Variants in DOK6 observed in about 807,000 individuals in gnomAD.
DOK6 encodes docking protein 6.
DOK6 carries 22 observed loss-of-function variants against 44.0 expected under a neutral mutation model. The ratio of observed to expected loss-of-function variants is 0.50; its 90% CI spans 0.36 to 0.71. The LOEUF (loss-of-function observed/expected upper bound fraction) is 0.71. Among genes scored for constraint, DOK6 ranks in the 30% least tolerant of loss-of-function variants. The probability of loss-of-function intolerance (pLI) is 0.00; values close to 1 mark genes in which losing one functional copy is unlikely to be tolerated. For missense variants in DOK6, 340 were observed against 416.4 expected, an observed-to-expected ratio of 0.82 and a Z score of 1.60; for synonymous variants, 166 against 145.5, an observed-to-expected ratio of 1.14 and a Z score of -1.01.
At chr18:69,690,384 G>T (rs1318887509) in intron 4 of DOK6, among the ~76,000 whole-genome samples, 3 of 152,124 alleles carry the variant, frequency 2.0e-5, no homozygotes, top group Non-Finnish European at 2.9e-5. Flanking sequence ...TACAAATTTT[G>T]ACAAGCATAA....
intron 5 of DOK6, among the ~76,000 whole-genome samples, chr18:69,719,762 GTTATC>G (rs1986964973): frequency 6.6e-6 from 1 of 152,186 alleles, no homozygotes; most frequent in African/African-American, 2.4e-5. Context: ...AGCAAGGACA[GTTATC>G]TTATGAGGTT....
chr18:69,700,823 G>C (rs180677034), intron 5 of DOK6, among the ~76,000 whole-genome samples: 48 of 152,270 alleles, frequency 3.2e-4, no homozygotes, highest in Non-Finnish European at 6.0e-4. Flanking sequence ...CTGGTGATGA[G>C]ACTGGGGACA....
chr18:69,604,311 C>T (rs117315998), intron 3 of DOK6, among the ~76,000 whole-genome samples: 104 of 152,262 alleles, frequency 6.8e-4, no homozygotes, highest in African/African-American at 2.0e-3. Flanking sequence ...GAATTTCACA[C>T]GCACAAGTCT....
intron 7 of DOK6, among the ~76,000 whole-genome samples, chr18:69,821,885 A>G (rs948161994): frequency 6.6e-6 from 1 of 151,814 alleles, no homozygotes; most frequent in Non-Finnish European, 1.5e-5. Flanking sequence ...TTTAAACAAC[A>G]CTTCTCAGGT....
chr18:69,560,875 G>A (rs1229344136), intron 1 of DOK6, among the ~76,000 whole-genome samples: 1 of 152,142 alleles, frequency 6.6e-6, no homozygotes, highest in Admixed American at 6.5e-5. Flanking sequence ...GGAATTCCAA[G>A]TCCAATATTT....
intron 3 of DOK6, among the ~76,000 whole-genome samples, chr18:69,637,823 A>C (rs1023042016): frequency 1.3e-5 from 2 of 152,234 alleles, no homozygotes; most frequent in South Asian, 2.1e-4. Context: ...TGGCACTTTA[A>C]TAATACTTTG....
At chr18:69,613,957 T>A (rs1417263414) in intron 3 of DOK6, among the ~76,000 whole-genome samples, 1 of 145,344 alleles carries the variant, frequency 6.9e-6, no homozygotes, top group Non-Finnish European at 1.5e-5. Flanking sequence ...TAATCTTTTA[T>A]TTTTTATTTT....
At chr18:69,810,831 C>T (rs552085669) in intron 7 of DOK6, among the ~76,000 whole-genome samples, 4 of 151,820 alleles carry the variant, frequency 2.6e-5, no homozygotes, top group Non-Finnish European at 2.9e-5. Context: ...GAAAAGGAAC[C>T]CCTTGCACAA....
chr18:69,574,982 G>A (rs1339257124), intron 2 of DOK6, among the ~76,000 whole-genome samples: 1 of 152,106 alleles, frequency 6.6e-6, no homozygotes, highest in Non-Finnish European at 1.5e-5. Flanking sequence ...TCCAGGCACA[G>A]TCAAGTAGAA....
At chr18:69,576,358 A>C (rs1983238925) in intron 2 of DOK6, among the ~76,000 whole-genome samples, 1 of 151,588 alleles carries the variant, frequency 6.6e-6, no homozygotes, top group Non-Finnish European at 1.5e-5. Flanking sequence ...CTAAAATCAA[A>C]GTAACTGGTT....
intron 2 of DOK6, among the ~76,000 whole-genome samples, chr18:69,566,053 T>A (rs1982969586): frequency 6.6e-6 from 1 of 152,188 alleles, no homozygotes; most frequent in African/African-American, 2.4e-5. Context: ...CTGGTCAGAG[T>A]TCCTGCCTGC....
intron 2 of DOK6, among the ~76,000 whole-genome samples, chr18:69,577,881 C>T (rs1051796123): frequency 9.2e-5 from 14 of 152,010 alleles, no homozygotes; most frequent in South Asian, 2.1e-4. Context: ...ATATCTATCG[C>T]CAATAAGAAT....
chr18:69,699,958 A>T (rs1986475918), intron 5 of DOK6, among the ~76,000 whole-genome samples: 1 of 152,088 alleles, frequency 6.6e-6, no homozygotes, highest in South Asian at 2.1e-4. Context: ...TGGCAGAAGG[A>T]GAAAGACACA....
At chr18:69,414,525 A>G (rs898054462) in intron 1 of DOK6, among the ~76,000 whole-genome samples, 4 of 152,104 alleles carry the variant, frequency 2.6e-5, no homozygotes, top group Admixed American at 1.3e-4. Flanking sequence ...ATAATAAATT[A>G]TAAAAATGAA....
At chr18:69,515,021 C>G (rs561671901) in intron 1 of DOK6, among the ~76,000 whole-genome samples, 1 of 152,216 alleles carries the variant, frequency 6.6e-6, no homozygotes, top group Non-Finnish European at 1.5e-5. Flanking sequence ...GTTATATCAG[C>G]TATTCATGTG....
intron 2 of DOK6, among the ~76,000 whole-genome samples, chr18:69,587,770 AACACACACAC>A (rs138552349): frequency 6.7e-6 from 1 of 149,054 alleles, no homozygotes; most frequent in African/African-American, 2.5e-5. Context: ...TGTAAATTTA[AACACACACAC>A]ACACACACAC....
intron 1 of DOK6, 86 bp from the exon 2 acceptor site, chr18:69,564,401 T>G: frequency 8.7e-7 from 1 of 1,152,082 alleles, no homozygotes; most frequent in Non-Finnish European, 1.3e-6. Context: ...TGAAGTACAC[T>G]TAAAAAATTG....
intron 1 of DOK6, among the ~76,000 whole-genome samples, chr18:69,558,424 A>C (rs538400807): frequency 8.4e-4 from 128 of 152,238 alleles, no homozygotes; most frequent in Middle Eastern, 3.4e-3. Flanking sequence ...AAATACTTTG[A>C]AAAACCATGT....
intron 1 of DOK6, among the ~76,000 whole-genome samples, chr18:69,551,442 A>T (rs192472606): frequency 6.6e-6 from 1 of 152,340 alleles, no homozygotes; most frequent in Admixed American, 6.5e-5. Context: ...CTTTTATTCA[A>T]TAAATATCTT....
Sources: allele counts gnomAD v4.1 joint callset (sites outside exome capture counted in the v4.1 genomes callset), GRCh38; gene constraint gnomAD v4.1.1; transcripts MANE v1.5; gene names NCBI Gene and HGNC (gene_info 2026-07-23, HGNC 2026-07-21).